Variants in SLC41A2 observed in about 807,000 individuals in gnomAD.
SLC41A2 encodes the protein SLC41A1-like 1.
Under a neutral mutation model 58.3 loss-of-function variants are expected in SLC41A2, and 32 were observed. That is an observed-to-expected ratio of 0.55 (90% CI 0.41 to 0.74). The LOEUF (loss-of-function observed/expected upper bound fraction) is 0.74, where lower values mean the gene tolerates loss of function less well. Ranked by LOEUF, SLC41A2 falls within the 30% of genes least tolerant of loss-of-function variation. The pLI is 0.00. For synonymous variants in SLC41A2, 190 were observed against 235.0 expected, an observed-to-expected ratio of 0.81 and a Z score of 1.75; for missense variants, 514 against 680.6, an observed-to-expected ratio of 0.76 and a Z score of 2.72.
intron 4 of SLC41A2, among the ~76,000 whole-genome samples, chr12:104,894,652 T>C (rs2045191466): frequency 6.6e-6 from 1 of 152,174 alleles, no homozygotes; most frequent in Non-Finnish European, 1.5e-5. Flanking sequence ...TTAGTGTGCA[T>C]TCCCTAAGCT....
intron 10 of SLC41A2, among the ~76,000 whole-genome samples, chr12:104,840,034 T>C (rs1471480856): frequency 6.6e-6 from 1 of 152,252 alleles, no homozygotes; most frequent in East Asian, 1.9e-4. Context: ...TAGTTTTCTT[T>C]GTACCTTCTC....
chr12:104,926,487 C>CT (rs1253494960), intron 2 of SLC41A2, among the ~76,000 whole-genome samples: 1 of 151,828 alleles, frequency 6.6e-6, no homozygotes, highest in Non-Finnish European at 1.5e-5. Flanking sequence ...ACTCAGGAGG[C>CT]TGAGGCAGGA....
chr12:104,853,913 T>TATTA (rs1555202444), intron 8 of SLC41A2, among the ~76,000 whole-genome samples: 3,330 of 37,948 alleles, frequency 0.088, 228 homozygotes, highest in African/African-American at 0.2. Context: ...CCTGGCTGAT[T>TATTA]TTTTTTTTTT....
At chr12:104,939,063 C>T (rs2047397933) in intron 1 of SLC41A2, among the ~76,000 whole-genome samples, 1 of 152,166 alleles carries the variant, frequency 6.6e-6, no homozygotes. Context: ...TTTCACTGAA[C>T]ACATTTAGAT....
rs190724709 is a variant in SLC41A2 at position 104,883,061 on chromosome 12, C to T, written c.1027+3232G>A. Among the ~76,000 whole-genome samples the T allele has an allele frequency of 3.0e-3, 451 of 152,300 alleles. 2 individuals carry two copies. The highest frequency in any genetic ancestry group is 6.2e-3 in the South Asian group (30 of 4,830). ...CTAAACTTCTCTTCTTGCTTCATTT[C>T]ATTCATTTGATCTTCAATCACTGAT... On this transcript the variant is annotated intron_variant, in intron 6 of 10. Transcript: ENST00000258538.
At chr12:104,815,463 A>AAT (rs2041355738) in intron 10 of SLC41A2, among the ~76,000 whole-genome samples, 2 of 152,156 alleles carry the variant, frequency 1.3e-5, no homozygotes, top group Admixed American at 6.5e-5. Context: ...TAAAGTACAA[A>AAT]ATATATATAT....
At chr12:104,934,862 G>A (rs113728555) in intron 1 of SLC41A2, among the ~76,000 whole-genome samples, 1 of 152,322 alleles carries the variant, frequency 6.6e-6, no homozygotes, top group African/African-American at 2.4e-5. Flanking sequence ...TGGTTACAAT[G>A]GGCGGTGGGG....
chr12:104,829,587 C>G (rs192779939), intron 10 of SLC41A2, among the ~76,000 whole-genome samples: 190 of 151,510 alleles, frequency 1.3e-3, no homozygotes, highest in African/African-American at 4.6e-3. Context: ...TGGGTGTACA[C>G]ATATGTCAAC....
chr12:104,849,742 G>A (rs934024881), intron 8 of SLC41A2, among the ~76,000 whole-genome samples: 1 of 152,144 alleles, frequency 6.6e-6, no homozygotes, highest in African/African-American at 2.4e-5. Context: ...GCAGGAGGAT[G>A]GCTTGAGCCC....
intron 6 of SLC41A2, among the ~76,000 whole-genome samples, chr12:104,884,696 A>G (rs80206738): frequency 6.6e-5 from 10 of 152,208 alleles, no homozygotes; most frequent in Non-Finnish European, 1.0e-4. Context: ...ATACTAGGGA[A>G]AGGGGCACTA....
intron 10 of SLC41A2, among the ~76,000 whole-genome samples, chr12:104,836,595 T>C (rs1437146761): frequency 6.6e-6 from 1 of 152,168 alleles, no homozygotes; most frequent in African/African-American, 2.4e-5. Context: ...ATGGCAGAGA[T>C]AGGTGAATAT....
At chr12:104,825,454 G>GA (rs2136255511) in intron 10 of SLC41A2, among the ~76,000 whole-genome samples, 1 of 152,296 alleles carries the variant, frequency 6.6e-6, no homozygotes, top group African/African-American at 2.4e-5. Flanking sequence ...AAAGATATAA[G>GA]AATTAGAGGA....
chr12:104,901,770 C>G (rs1286848922), intron 3 of SLC41A2, among the ~76,000 whole-genome samples: 2 of 151,994 alleles, frequency 1.3e-5, no homozygotes, highest in Admixed American at 1.3e-4. Context: ...GTCTGGAAAC[C>G]TATTTTATTG....
At chr12:104,813,505 T>C (rs1253724020) in intron 10 of SLC41A2, among the ~76,000 whole-genome samples, 2 of 152,046 alleles carry the variant, frequency 1.3e-5, no homozygotes, top group East Asian at 1.9e-4. Context: ...CCAAACAAAA[T>C]ATAGGGATAA....
intron 2 of SLC41A2, among the ~76,000 whole-genome samples, chr12:104,918,396 C>T (rs2046427620): frequency 1.3e-5 from 2 of 152,136 alleles, no homozygotes; most frequent in South Asian, 2.1e-4. Context: ...ATTAAAATCC[C>T]CTTCATAAGG....
At chr12:104,953,515 C>T (rs999410412) in intron 1 of SLC41A2, among the ~76,000 whole-genome samples, 10 of 152,228 alleles carry the variant, frequency 6.6e-5, no homozygotes, top group Non-Finnish European at 1.0e-4. Flanking sequence ...AGGCTCCACC[C>T]GTGAGCTCTC....
In SLC41A2 at chr12:104,886,377, C is replaced by T. The variant is rs1169231592; in HGVS notation, c.943G>A (p.Ala315Thr). The change falls in exon 6 of 11, where the codon GCT (alanine) becomes ACT (threonine). Residue 315 changes from alanine to threonine, a missense_variant. Transcript: ENST00000258538. ...CCAAAACTAGCAGCAATGGGTGTAG[C>T]AACATTATCAGGATTTATACCAGTC... ...KKTGINPDNV[A>T]TPIAASFGDL... The T allele has an allele frequency of 1.2e-6, 2 of 1,613,596 alleles. No homozygotes were observed. Among genetic ancestry groups the T allele is most frequent in the Non-Finnish European group, 1.7e-6 (2 of 1,179,626 alleles).
chr12:104,909,425 A>C (rs2045983738), intron 3 of SLC41A2, among the ~76,000 whole-genome samples: 1 of 152,222 alleles, frequency 6.6e-6, no homozygotes, highest in African/African-American at 2.4e-5. Flanking sequence ...GATAAATGCC[A>C]GAATGTCCTG....
chr12:104,859,267 A>C (rs2043122836), intron 8 of SLC41A2, among the ~76,000 whole-genome samples: 1 of 152,206 alleles, frequency 6.6e-6, no homozygotes. Flanking sequence ...AGGGAAAAAA[A>C]CCACTGTTAA....
Sources: gnomAD v4.1 joint callset for allele counts (sites outside exome capture counted in the v4.1 genomes callset) on GRCh38, gnomAD v4.1.1 for gene constraint, MANE v1.5 for transcripts, NCBI Gene and HGNC (gene_info 2026-07-23, HGNC 2026-07-21) for gene names.